The following MXD1 variants were observed in gnomAD, a reference collection of about 807,000 sequenced individuals.
The protein encoded by MXD1 is MAX-binding protein.
A neutral mutation model predicts 25.7 loss-of-function variants in MXD1; 9 were observed. The observed-to-expected ratio is 0.35, with a 90% CI of 0.21 to 0.61. MXD1 has a LOEUF of 0.61. Ranked by LOEUF, MXD1 falls within the 20% of genes least tolerant of loss-of-function variation. The pLI is 0.75. For missense variants in MXD1, 227 were observed against 292.4 expected, an observed-to-expected ratio of 0.78 and a Z score of 1.63; for synonymous variants, 99 against 113.9, an observed-to-expected ratio of 0.87 and a Z score of 0.83.
intron 3 of MXD1, among the ~76,000 whole-genome samples, chr2:69,926,503 A>G (rs1677174042): frequency 6.6e-6 from 1 of 152,166 alleles, no homozygotes; most frequent in South Asian, 2.1e-4. Flanking sequence ...TATATATTAG[A>G]TCTTTTCATC....
chr2:69,924,608 T>G (rs1335510944), intron 3 of MXD1, among the ~76,000 whole-genome samples: 1 of 152,226 alleles, frequency 6.6e-6, no homozygotes, highest in Non-Finnish European at 1.5e-5. Context: ...AGCTGAGTTC[T>G]ATAAAAGAAT....
chr2:69,923,084 A>C (rs1424928596), intron 3 of MXD1, among the ~76,000 whole-genome samples: 1 of 151,908 alleles, frequency 6.6e-6, no homozygotes, highest in Non-Finnish European at 1.5e-5. Flanking sequence ...CAACAACAAA[A>C]AAAAAACCAC....
Position 69,938,295 on chromosome 2 carries a change from A to C in MXD1, c.*11A>C. 6.2e-7 allele frequency: 1 copy of C among 1,612,894 alleles called. No individual in the cohort carries two copies. The highest frequency in any genetic ancestry group is 8.5e-7 in the Non-Finnish European group (1 of 1,179,120). On this transcript the variant is annotated 3_prime_UTR_variant, in exon 6 of 6. Transcript: ENST00000264444. ...TGTCTTGGTCTCTAAGAGAGTGGGC[A>C]CTGCGGCTGTCTCCTTGAAGGTTCT...
chr2:69,930,984 G>A (rs1421518447), intron 3 of MXD1, among the ~76,000 whole-genome samples: 1 of 152,208 alleles, frequency 6.6e-6, no homozygotes, highest in African/African-American at 2.4e-5. Flanking sequence ...CACACAGGGA[G>A]TAAGTGGCAG....
chr2:69,937,777 G>A (rs1055810145), intron 5 of MXD1, among the ~76,000 whole-genome samples: 2 of 152,148 alleles, frequency 1.3e-5, no homozygotes, highest in Non-Finnish European at 2.9e-5. Flanking sequence ...ACAATGCCTG[G>A]CAAATTTTCC....
chr2:69,929,784 T>C (rs1379032147), intron 3 of MXD1, among the ~76,000 whole-genome samples: 1 of 152,244 alleles, frequency 6.6e-6, no homozygotes, highest in Non-Finnish European at 1.5e-5. Flanking sequence ...TAAGGATTTA[T>C]GGTGTTATCT....
Position 69,937,215 on chromosome 2 carries a change from A to T in MXD1, c.319-20A>T. On this transcript the variant is annotated intron_variant, in intron 4 of 5. Coordinates refer to ENST00000264444, the MANE Select transcript of MXD1 (RefSeq NM_002357.4). ...AGAGATCTCCCTGTGGGGCCCAACAACTACCCCTTTGACTTGCAGAAACTT... is the reference window on the plus strand; with the variant it reads ...AGAGATCTCCCTGTGGGGCCCAACATCTACCCCTTTGACTTGCAGAAACTT... The T allele has an allele frequency of 6.2e-7, 1 of 1,611,920 alleles. No individual in the cohort carries two copies. Among genetic ancestry groups the T allele is most frequent in the Non-Finnish European group, 8.5e-7 (1 of 1,178,394 alleles).
Position 69,915,189 on chromosome 2 carries a change from G to C in MXD1, c.-142G>C. ...CCTCTCTTGTCGAGCGTGGTTGCCA[G>C]AGAGGCTCCCTCAGCCCTGCTCCGC... On this transcript the variant is annotated 5_prime_UTR_variant, in exon 1 of 6. Coordinates refer to ENST00000264444, the MANE Select transcript of MXD1 (RefSeq NM_002357.4). This position sits in a 1 kb window ranked among gnomAD's most constrained non-coding sequence, Gnocchi z 5.8. 1 of 670,200 alleles carries C rather than the reference G, an allele frequency of 1.5e-6. No individual in the cohort carries two copies. Among genetic ancestry groups the C allele is most frequent in the Non-Finnish European group, 2.2e-6 (1 of 464,416 alleles). The allele number at this position is 670,200 out of a possible 1,614,324, so 41.5% of individuals were successfully genotyped here.
At position 69,937,354 on chromosome 2, in the gene MXD1, C is replaced by T. The variant is rs778865384; in HGVS notation, c.438C>T (p.Ile146=). ...TTGAGAGGATCCGGATGGACAGCAT[C>T]GGCTCCACCGTCTCCTCGGAGCGCT... is the stretch of plus-strand genomic sequence containing the variant. ...LGIERIRMDS[I]GSTVSSERSD... is the part of the protein sequence containing the mutation. The change falls in exon 5 of 6, where the codon ATC becomes ATT. Residue 146 remains isoleucine (I), a synonymous_variant. Transcript: ENST00000264444. 2.4e-5 allele frequency: 38 copies of T among 1,613,604 alleles called. No individual in the cohort carries two copies. The highest frequency in any genetic ancestry group is 1.2e-4 in the African/African-American group (9 of 74,922).
intron 3 of MXD1, 119 bp downstream of exon 3, chr2:69,921,884 C>T (rs1677070258): frequency 1.1e-6 from 1 of 930,178 alleles, no homozygotes; most frequent in Non-Finnish European, 1.6e-6. Flanking sequence ...TTTCAGAATT[C>T]ACCCAGCGCC....
intron 3 of MXD1, 81 bp from the exon 4 acceptor site, chr2:69,935,270 C>G: frequency 1.0e-6 from 1 of 994,298 alleles, no homozygotes. Flanking sequence ...CAACTTCACA[C>G]TCTTTGAGAA....
chr2:69,929,298 T>A (rs1397813188), intron 3 of MXD1, among the ~76,000 whole-genome samples: 5 of 152,206 alleles, frequency 3.3e-5, no homozygotes, highest in African/African-American at 1.2e-4. Flanking sequence ...CTTCTGGTCT[T>A]GATTACATCC....
At position 69,940,315 on chromosome 2, in the gene MXD1, A is replaced by G. The variant is rs760372309; in HGVS notation, c.*2031A>G. On this transcript the variant is annotated 3_prime_UTR_variant, in exon 6 of 6. Coordinates refer to ENST00000264444, the MANE Select transcript of MXD1 (RefSeq NM_002357.4). ...TCAGCCTGTAACATATTTGAAAAAG[A>G]TATGTCTGCACTTTGAGGTCCCTTT... 18 of 152,138 alleles carry G rather than the reference A, an allele frequency of 1.2e-4. No individual in the cohort carries two copies. Among genetic ancestry groups the G allele is most frequent in the Non-Finnish European group, 2.1e-4 (14 of 68,032 alleles). The allele number at this position is 152,138 out of a possible 1,614,324, so 9.4% of individuals were successfully genotyped here. A position where few individuals can be genotyped will look rare whatever the true frequency, so the allele number is the denominator to read the frequency against.
At chr2:69,922,879 CAAA>C (rs34830116) in intron 3 of MXD1, among the ~76,000 whole-genome samples, 2 of 115,078 alleles carry the variant, frequency 1.7e-5, no homozygotes, top group Non-Finnish European at 1.9e-5. Flanking sequence ...GACTCCGTCT[CAAA>C]AAAAAAAAAA....
At chr2:69,919,086 T>G (rs1304950533) in intron 2 of MXD1, among the ~76,000 whole-genome samples, 1 of 152,180 alleles carries the variant, frequency 6.6e-6, no homozygotes, top group African/African-American at 2.4e-5. Flanking sequence ...TTGGAAGAAG[T>G]TGTGCTTCCT....
Position 69,921,608 on chromosome 2 carries a change from AT to A in MXD1, c.174-123del, listed in dbSNP as rs1002930821. On this transcript the variant is annotated intron_variant, in intron 2 of 5. Transcript: ENST00000264444. ...TAATTTTTTTAGTAGAGCCCAGTGA[AT>A]TTTTCTGCCTTTCTACATCTCTCCT... 5.6e-6 allele frequency: 4 copies of A among 714,604 alleles called. No individual in the cohort carries two copies. The Admixed American group carries it at 1.4e-4, about 26-fold the overall frequency. 44.3% of individuals were successfully genotyped at this position (714,604 alleles called of 1,614,324 possible). A position where few individuals can be genotyped will look rare whatever the true frequency, so the allele number is the denominator to read the frequency against.
At chr2:69,931,928 G>A (rs536142398) in intron 3 of MXD1, among the ~76,000 whole-genome samples, 131 of 152,328 alleles carry the variant, frequency 8.6e-4, no homozygotes, top group Non-Finnish European at 1.6e-3. Context: ...AAGATGGGAG[G>A]TAGCTCTTGG....
rs1219584727 is a variant in MXD1 at position 69,942,789 on chromosome 2, A to C, written c.*4505A>C. On this transcript the variant is annotated 3_prime_UTR_variant, in exon 6 of 6. Coordinates refer to ENST00000264444, the MANE Select transcript of MXD1 (RefSeq NM_002357.4). ...TTTATGTAAATATGACGCCAATGTAAATCCTGTGTCAAGATCATAGAGAAT... is the reference window on the plus strand; with the variant it reads ...TTTATGTAAATATGACGCCAATGTACATCCTGTGTCAAGATCATAGAGAAT... 6.6e-6 allele frequency: 1 copy of C among 152,228 alleles called. No homozygotes were observed. The highest frequency in any genetic ancestry group is 2.4e-5 in the African/African-American group (1 of 41,460). 9.4% of individuals were successfully genotyped at this position (152,228 alleles called of 1,614,324 possible). A position where few individuals can be genotyped will look rare whatever the true frequency, so the allele number is the denominator to read the frequency against.
At chr2:69,922,823 T>G (rs903677479) in intron 3 of MXD1, among the ~76,000 whole-genome samples, 3 of 147,336 alleles carry the variant, frequency 2.0e-5, no homozygotes, top group African/African-American at 7.6e-5. Flanking sequence ...GAGGTTGCGG[T>G]GAGCCGAGAT....
Sources: gnomAD v4.1 joint callset for allele counts (sites outside exome capture counted in the v4.1 genomes callset) on GRCh38, gnomAD v4.1.1 for gene constraint, Gnocchi (gnomAD v3.1) non-coding constraint, MANE v1.5 for transcripts, NCBI Gene and HGNC (gene_info 2026-07-23, HGNC 2026-07-21) for gene names.